The following SDAD1 variants were observed in gnomAD, a reference collection of about 807,000 sequenced individuals.
SDAD1 encodes SDA1 domain containing 1.
A neutral mutation model predicts 100.3 loss-of-function variants in SDAD1; 79 were observed. That is an observed-to-expected ratio of 0.79 (90% CI 0.66 to 0.95). SDAD1 has a LOEUF of 0.95. Ranked by LOEUF, SDAD1 falls within the 40% of genes least tolerant of loss-of-function variation. The pLI is 0.00. For synonymous variants in SDAD1, 267 were observed against 271.4 expected, an observed-to-expected ratio of 0.98 and a Z score of 0.16; for missense variants, 790 against 810.9, an observed-to-expected ratio of 0.97 and a Z score of 0.31.
intron 1 of SDAD1, among the ~76,000 whole-genome samples, chr4:75,990,283 C>CG (rs1491230606): frequency 6.7e-6 from 1 of 149,744 alleles, no homozygotes; most frequent in African/African-American, 2.5e-5. Flanking sequence ...AACCCCCCCC[C>CG]CCCCTTTCCT....
chr4:75,983,055 G>C (rs1730639525), intron 1 of SDAD1, among the ~76,000 whole-genome samples: 1 of 151,014 alleles, frequency 6.6e-6, no homozygotes, highest in African/African-American at 2.4e-5. Context: ...TTGGTTTTCT[G>C]TCCTTGTGAT....
At chr4:75,990,240 C>T (rs1228567363) in intron 1 of SDAD1, among the ~76,000 whole-genome samples, 2 of 150,078 alleles carry the variant, frequency 1.3e-5, no homozygotes, top group Non-Finnish European at 2.9e-5. Context: ...ACTAAATATA[C>T]TAAGCTCCCG....
At chr4:75,965,067 C>T (rs1194964713) in intron 13 of SDAD1, among the ~76,000 whole-genome samples, 1 of 152,182 alleles carries the variant, frequency 6.6e-6, no homozygotes, top group Non-Finnish European at 1.5e-5. Flanking sequence ...AGAACAGAGC[C>T]ATATTTCTCT....
At position 75,973,364 on chromosome 4, in the gene SDAD1, G is replaced by C. The variant is rs754002625; in HGVS notation, c.664C>G (p.Leu222Val). Residue 222 changes from leucine (L) to valine (V), a missense_variant, in exon 8 of 22, where the codon CTT becomes GTT. By Grantham distance (32) the Leu-to-Val change is conservative. Transcript: ENST00000356260. ...TGTTTTTCATCTTCATCTTTCCCAA[G>C]AAAGAATGTCAAAGCGGCAACTAAT... is the stretch of plus-strand genomic sequence containing the variant. ...KILVAALTFF[L>V]GKDEDEKQDS... The C allele has an allele frequency of 6.2e-7, 1 of 1,613,612 alleles. No individual in the cohort carries two copies. The highest frequency in any genetic ancestry group is 2.2e-5 in the East Asian group (1 of 44,774).
intron 19 of SDAD1, 21 bp downstream of exon 19, chr4:75,957,497 A>G (rs747452175): frequency 1.9e-6 from 3 of 1,613,084 alleles, no homozygotes; most frequent in Admixed American, 3.3e-5. Context: ...CTGAAGTACT[A>G]AAGTGGATGT....
At chr4:75,986,344 TC>T (rs1426566635) in intron 1 of SDAD1, among the ~76,000 whole-genome samples, 2 of 152,138 alleles carry the variant, frequency 1.3e-5, no homozygotes, top group African/African-American at 2.4e-5. Flanking sequence ...CCCTTCACTT[TC>T]CCACTTTTCT....
At chr4:75,960,676 C>T (rs1160945336) in intron 16 of SDAD1, among the ~76,000 whole-genome samples, 1 of 152,212 alleles carries the variant, frequency 6.6e-6, no homozygotes, top group East Asian at 1.9e-4. Context: ...TGCATCCCTC[C>T]TCCCTTCCAA....
chr4:75,961,274 G>A lies in SDAD1; in HGVS notation c.1216C>T (p.Pro406Ser), dbSNP rs1468083027. ...NAIKEITARC[P>S]LAMTEELLQD... ...AGAAGTTCTTCAGTCATGGCCAGAGGACATCGAGCTGTTATCTCCTTTATA... is the reference window on the plus strand; with the variant it reads ...AGAAGTTCTTCAGTCATGGCCAGAGAACATCGAGCTGTTATCTCCTTTATA... The change falls in exon 15 of 22, where the codon CCT (proline) becomes TCT (serine). Residue 406 changes from proline (P) to serine (S), a missense_variant. Coordinates refer to ENST00000356260, the MANE Select transcript of SDAD1 (RefSeq NM_018115.4). 3 of 1,613,864 alleles carry A rather than the reference G, an allele frequency of 1.9e-6. No individual in the cohort carries two copies. The highest frequency in any genetic ancestry group is 2.7e-5 in the African/African-American group (2 of 74,898).
intron 1 of SDAD1, among the ~76,000 whole-genome samples, chr4:75,989,662 C>T (rs1731117550): frequency 6.6e-6 from 1 of 152,226 alleles, no homozygotes; most frequent in Non-Finnish European, 1.5e-5. Context: ...ATTATATAGA[C>T]TCTCAACTTA....
At chr4:75,969,746 A>G (rs975799788) in intron 10 of SDAD1, among the ~76,000 whole-genome samples, 12 of 152,310 alleles carry the variant, frequency 7.9e-5, no homozygotes, top group African/African-American at 2.4e-4. Context: ...CTGTATCTAC[A>G]TGCAAGTTTG....
At chr4:75,989,581 G>A (rs1049220066) in intron 1 of SDAD1, among the ~76,000 whole-genome samples, 4 of 152,194 alleles carry the variant, frequency 2.6e-5, no homozygotes. Flanking sequence ...TACCCACATA[G>A]GCTCAGCGAT....
At chr4:75,952,379 C>T (rs1035936784) in intron 21 of SDAD1, among the ~76,000 whole-genome samples, 3 of 152,312 alleles carry the variant, frequency 2.0e-5, no homozygotes, top group East Asian at 1.9e-4. Context: ...TATTTCAGTT[C>T]CTTCCCCTTC....
intron 17 of SDAD1, 113 bp from the exon 18 acceptor site, chr4:75,958,054 C>A (rs1371669901): frequency 1.6e-5 from 13 of 834,100 alleles, no homozygotes; most frequent in Non-Finnish European, 2.5e-5. Context: ...ACATTATTAA[C>A]CAAGAACTGA....
At chr4:75,963,996 C>A in intron 14 of SDAD1, 139 bp downstream of exon 14, 1 of 575,858 alleles carries the variant, frequency 1.7e-6, no homozygotes, top group Non-Finnish European at 3.0e-6. Flanking sequence ...ATTATCAAGC[C>A]TCCCAAAAAG....
intron 3 of SDAD1, 121 bp downstream of exon 3, chr4:75,981,251 T>C (rs1730490241): frequency 1.1e-6 from 1 of 887,158 alleles, no homozygotes; most frequent in African/African-American, 1.7e-5. Context: ...TAGGAAAGGA[T>C]AATACATTAT....
At position 75,977,677 on chromosome 4, in the gene SDAD1, A is replaced by C. The variant is rs1182343518; in HGVS notation, c.374T>G (p.Leu125Arg). ...PSSLLELFFE[L>R]FRCHDKLLRK... is the part of the protein sequence containing the mutation. ...CAGAAGTTTATCATGGCAACGAAAAAGTTCAAAGAAGAGTTCTAGCAGGCT... is the reference window on the plus strand; with the variant it reads ...CAGAAGTTTATCATGGCAACGAAAACGTTCAAAGAAGAGTTCTAGCAGGCT... The change falls in exon 4 of 22, where the codon CTT (leucine) becomes CGT (arginine). Residue 125 changes from leucine (L) to arginine (R), a missense_variant. By Grantham distance (102) the Leu-to-Arg change is moderately radical. Transcript: ENST00000356260. The C allele has an allele frequency of 6.2e-7, 1 of 1,612,800 alleles. No homozygotes were observed. Among genetic ancestry groups the C allele is most frequent in the East Asian group, 2.2e-5 (1 of 44,852 alleles).
chr4:75,990,613 C>T lies in SDAD1; in HGVS notation c.90+139G>A, dbSNP rs1443908954. 4.4e-6 allele frequency: 7 copies of T among 1,581,700 alleles called. No individual in the cohort carries two copies. The Admixed American group carries it at 1.0e-4, about 23-fold the overall frequency. The stretch of plus-strand genomic sequence containing the variant: ...AGGCATGTCCCGTCCCCAACCCCTT[C>T]TCTCCTCTGGAGGGACCCCTGAACC... On this transcript the variant is annotated intron_variant, in intron 1 of 21. Transcript: ENST00000356260.
chr4:75,961,914 T>C (rs907125360), intron 14 of SDAD1, among the ~76,000 whole-genome samples: 6 of 152,186 alleles, frequency 3.9e-5, no homozygotes, highest in Non-Finnish European at 8.8e-5. Context: ...TTATTATTAT[T>C]ATGCTTTAAG....
intron 1 of SDAD1, among the ~76,000 whole-genome samples, chr4:75,982,669 T>C (rs1479216675): frequency 6.6e-6 from 1 of 151,746 alleles, no homozygotes; most frequent in African/African-American, 2.4e-5. Flanking sequence ...TAAAAATAAA[T>C]GACCCCTACT....
Sources: allele counts gnomAD v4.1 joint callset (sites outside exome capture counted in the v4.1 genomes callset), GRCh38; gene constraint gnomAD v4.1.1; transcripts MANE v1.5; gene names NCBI Gene and HGNC (gene_info 2026-07-23, HGNC 2026-07-21).